Variants in DCAF17 observed in about 807,000 individuals in gnomAD.
DCAF17 encodes the protein DDB1 and CUL4 associated factor 17, also known as DDB1- and CUL4-associated factor 17.
Under a neutral mutation model 66.0 loss-of-function variants are expected in DCAF17, and 48 were observed. The observed-to-expected ratio is 0.73, with a 90% confidence interval of 0.58 to 0.92. The LOEUF is 0.92. Among genes scored for constraint, DCAF17 ranks in the 40% least tolerant of loss-of-function variants. The pLI, the probability that DCAF17 is intolerant of heterozygous loss-of-function variation, is 0.00. For missense variants in DCAF17, 562 were observed against 622.8 expected (o/e 0.90, Z 1.04); for synonymous variants, 206 against 214.6 (o/e 0.96, Z 0.35).
intron 2 of DCAF17, 134 bp downstream of exon 2, chr2:171,435,320 A>G (rs1693805000): frequency 4.3e-6 from 3 of 703,544 alleles, no homozygotes; most frequent in Admixed American, 2.6e-5. Flanking sequence ...AAGACTAGGC[A>G]GTAAAAAATG....
At position 171,478,083 on chromosome 2, in the gene DCAF17, C is replaced by T. The variant is rs182152990; in HGVS notation, c.1266+13C>T. ...CCCAGAACAAGAGGTATTGCTTTGGCCAGAGATGACAAACCAAACCAGTGT... is the reference window on the plus strand; with the variant it reads ...CCCAGAACAAGAGGTATTGCTTTGGTCAGAGATGACAAACCAAACCAGTGT... On this transcript the variant is annotated intron_variant, in intron 12 of 13. Coordinates refer to ENST00000375255, the MANE Select transcript of DCAF17 (RefSeq NM_025000.4). 70 of 1,605,962 alleles carry T rather than the reference C, an allele frequency of 4.4e-5. No individual in the cohort carries two copies. In the Middle Eastern group the frequency reaches 1.7e-3, roughly 38 times the overall value.
chr2:171,444,292 C>T (rs1000271835), intron 3 of DCAF17, among the ~76,000 whole-genome samples: 5 of 152,040 alleles, frequency 3.3e-5, no homozygotes. Flanking sequence ...ATAGAACTTC[C>T]TTGTTTAAGG....
In DCAF17 at chr2:171,458,491, A is replaced by T; in HGVS notation, c.838+14A>T. 6.3e-7 allele frequency: 1 copy of T among 1,589,410 alleles called. No homozygotes were observed. The highest frequency in any genetic ancestry group is 8.6e-7 in the Non-Finnish European group (1 of 1,157,960). Reference sequence around the variant, plus strand: ...TTAAAATCACAGGTATGGCTACTCTATAGTATTTTTTCACCTTAAAAAAAT... The same window carrying T: ...TTAAAATCACAGGTATGGCTACTCTTTAGTATTTTTTCACCTTAAAAAAAT... On this transcript the variant is annotated intron_variant, in intron 8 of 13. Transcript: ENST00000375255.
Position 171,449,896 on chromosome 2 carries a change from C to CT in DCAF17, c.477dup (p.Pro160SerfsTer8). ...TTTAAAAGATACTTGAGCTGGGACA[C>CT]TCCTCAAGAAGTCATTGCAGTTAAG... is the stretch of plus-strand genomic sequence containing the variant. On this transcript the variant is annotated frameshift_variant, in exon 5 of 14. Transcript: ENST00000375255. LOFTEE classifies it high-confidence loss of function. The CT allele has an allele frequency of 6.2e-7, 1 of 1,613,666 alleles. No individual in the cohort carries two copies.
chr2:171,443,214 G>C (rs1280096308), intron 2 of DCAF17: 1 of 199,484 alleles, frequency 5.0e-6, no homozygotes, highest in African/African-American at 2.4e-5. Flanking sequence ...GGTAAAGAAA[G>C]AATTTAATAT....
chr2:171,466,505 A>C (rs1458891548), intron 8 of DCAF17, among the ~76,000 whole-genome samples: 1 of 152,088 alleles, frequency 6.6e-6, no homozygotes, highest in Non-Finnish European at 1.5e-5. Context: ...TCGAAACAAC[A>C]GATTGTCCAC....
rs946531984 is a variant in DCAF17, at chr2:171,448,276, C to T, written c.322-405C>T. Among the ~76,000 whole-genome samples the T allele has an allele frequency of 8.5e-5, 13 of 152,148 alleles. No individual in the cohort carries two copies. The South Asian group carries it at 1.0e-3, about 12-fold the overall frequency. ...CCTCCTAAGTAGTTGGGACTCCAGG[C>T]ACTCACCACCATGCTAATAGCAGAG... is the stretch of plus-strand genomic sequence containing the variant. On this transcript the variant is annotated intron_variant, in intron 3 of 13. Transcript: ENST00000375255.
intron 8 of DCAF17, among the ~76,000 whole-genome samples, chr2:171,460,660 A>G (rs1354131852): frequency 6.6e-6 from 1 of 151,980 alleles, no homozygotes; most frequent in Non-Finnish European, 1.5e-5. Context: ...CCTCCCAAGT[A>G]GCTGGGACTA....
chr2:171,474,701 C>T (rs559419889), intron 10 of DCAF17, among the ~76,000 whole-genome samples: 1 of 152,326 alleles, frequency 6.6e-6, no homozygotes, highest in Non-Finnish European at 1.5e-5. Context: ...TACCTTCTTA[C>T]CAATTTGTCT....
At chr2:171,449,829 T>C in intron 4 of DCAF17, 50 bp from the exon 5 acceptor site, 1 of 1,391,642 alleles carries the variant, frequency 7.2e-7, no homozygotes, top group Non-Finnish European at 1.0e-6. Context: ...TGGTTTTAAG[T>C]ATAAGGAAAC....
intron 8 of DCAF17, among the ~76,000 whole-genome samples, chr2:171,467,593 TTGTAATACTTAGGAGGCTG>T (rs1429289806): frequency 6.7e-6 from 1 of 149,776 alleles, no homozygotes; most frequent in Non-Finnish European, 1.5e-5. Flanking sequence ...ACTTAGGAGG[TTGTAATACTTAGGAGGCTG>T]TGTAATACTT....
intron 1 of DCAF17, 30 bp from the exon 2 acceptor site, chr2:171,435,053 T>A: frequency 6.6e-7 from 1 of 1,504,762 alleles, no homozygotes; most frequent in East Asian, 2.3e-5. Flanking sequence ...AAGAGTTCTT[T>A]CCTGAACGGA....
At chr2:171,436,281 T>C (rs1693941089) in intron 2 of DCAF17, among the ~76,000 whole-genome samples, 1 of 152,232 alleles carries the variant, frequency 6.6e-6, no homozygotes, top group Admixed American at 6.5e-5. Flanking sequence ...GCTATAAACA[T>C]TTCCATGTAA....
chr2:171,477,891 G>T (rs558352470), intron 11 of DCAF17, 96 bp from the exon 12 acceptor site: 16 of 931,748 alleles, frequency 1.7e-5, no homozygotes, highest in East Asian at 7.8e-5. Flanking sequence ...TGTGGGAGAA[G>T]GGTTGGTAAG....
At chr2:171,444,900 C>A (rs1321953619) in intron 3 of DCAF17, among the ~76,000 whole-genome samples, 1 of 151,972 alleles carries the variant, frequency 6.6e-6, no homozygotes, top group East Asian at 1.9e-4. Context: ...TACTTATTGT[C>A]TGTTCACTGA....
intron 9 of DCAF17, chr2:171,472,942 C>A: frequency 3.0e-6 from 1 of 331,500 alleles, no homozygotes; most frequent in Non-Finnish European, 6.2e-6. Flanking sequence ...GTTCCCAGTG[C>A]TTCTGGATAT....
rs149691298 is a variant in DCAF17, at chr2:171,483,561, G to A, written c.*2447G>A. On this transcript the variant is annotated 3_prime_UTR_variant, in exon 14 of 14. Coordinates refer to ENST00000375255, the MANE Select transcript of DCAF17 (RefSeq NM_025000.4). ...AAATCCTATCCTATTTACTATTTGT[G>A]CTACCTAGTGAGGAGATACCGCTCT... 1 of 454,066 alleles carries A rather than the reference G, an allele frequency of 2.2e-6. No individual in the cohort carries two copies. Among genetic ancestry groups the A allele is most frequent in the East Asian group, 6.9e-5 (1 of 14,402 alleles). The allele number at this position is 454,066 out of a possible 1,614,324, so 28.1% of individuals were successfully genotyped here. A position where few individuals can be genotyped will look rare whatever the true frequency, so the allele number is the denominator to read the frequency against.
At position 171,484,680 on chromosome 2, in the gene DCAF17, C is replaced by T. The variant is rs1696880202; in HGVS notation, c.*3566C>T. 4.4e-6 allele frequency: 2 copies of T among 453,898 alleles called. No homozygotes were observed. Among genetic ancestry groups the T allele is most frequent in the South Asian group, 3.1e-5 (2 of 64,450 alleles). The allele number at this position is 453,898 out of a possible 1,614,324, so 28.1% of individuals were successfully genotyped here. A position where few individuals can be genotyped will look rare whatever the true frequency, so the allele number is the denominator to read the frequency against. Reference sequence around the variant, plus strand: ...GACATATACACCTGTGTAACCCAAACCCTTTCCAAAATTTAGACCATTGCA... The same window carrying T: ...GACATATACACCTGTGTAACCCAAATCCTTTCCAAAATTTAGACCATTGCA... On this transcript the variant is annotated 3_prime_UTR_variant, in exon 14 of 14. Coordinates refer to ENST00000375255, the MANE Select transcript of DCAF17 (RefSeq NM_025000.4).
At chr2:171,478,263 T>C (rs1325395999) in intron 12 of DCAF17, among the ~76,000 whole-genome samples, 193 bp downstream of exon 12, 1 of 152,230 alleles carries the variant, frequency 6.6e-6, no homozygotes, top group Non-Finnish European at 1.5e-5. Flanking sequence ...GTAATTATTC[T>C]TAAAGTTTTA....
Sources: gnomAD v4.1 joint callset for allele counts (sites outside exome capture counted in the v4.1 genomes callset) on GRCh38, gnomAD v4.1.1 for gene constraint, MANE v1.5 for transcripts, NCBI Gene and HGNC (gene_info 2026-07-23, HGNC 2026-07-21) for gene names.